PDCD1LG2: variants seen among roughly 807,000 people sequenced by gnomAD.
The protein encoded by PDCD1LG2 is B7 dendritic cell molecule.
A neutral mutation model predicts 28.2 loss-of-function variants in PDCD1LG2; 32 were observed. That is an observed-to-expected ratio of 1.13 (90% CI 0.86 to 1.52). The LOEUF is 1.52. Among genes scored for constraint, PDCD1LG2 ranks in the 40% most tolerant of loss-of-function variants. The pLI, the probability that PDCD1LG2 is intolerant of heterozygous loss-of-function variation, is 0.00. For synonymous variants in PDCD1LG2, 116 were observed against 120.2 expected, an observed-to-expected ratio of 0.97 and a Z score of 0.23; for missense variants, 385 against 323.8, an observed-to-expected ratio of 1.19 and a Z score of -1.45.
chr9:5,571,268 T>C lies in PDCD1LG2; in HGVS notation c.*1309T>C. The C allele has an allele frequency of 4.3e-6, 1 of 230,400 alleles. No homozygotes were observed. The highest frequency in any genetic ancestry group is 8.6e-6 in the Non-Finnish European group (1 of 116,276). 14.3% of individuals were successfully genotyped at this position (230,400 alleles called of 1,614,324 possible). A position where few individuals can be genotyped will look rare whatever the true frequency, so the allele number is the denominator to read the frequency against. On this transcript the variant is annotated 3_prime_UTR_variant, in exon 7 of 7. Transcript: ENST00000397747. ...GTTATTCTTCAACGTTCTTTATATA[T>C]TCTACTTTTGGGTAAGAGGTTTGCT...
At chr9:5,547,936 CAAA>C (rs1165268333) in intron 3 of PDCD1LG2, among the ~76,000 whole-genome samples, 10 of 60,866 alleles carry the variant, frequency 1.6e-4, no homozygotes, top group Admixed American at 3.7e-4. Context: ...AACTCTGTCT[CAAA>C]AAAAAAAAAA....
rs772342622 is a variant in PDCD1LG2 at position 5,558,491 on chromosome 9, C to T, written c.766+739C>T. On this transcript the variant is annotated intron_variant, in intron 5 of 6. Transcript: ENST00000397747. Reference sequence around the variant, plus strand: ...CAGGCCTAGCTGGTGCTTTCCTAAACGGCTCCCTTGTCTGCACTCAATGAA... The same window carrying T: ...CAGGCCTAGCTGGTGCTTTCCTAAATGGCTCCCTTGTCTGCACTCAATGAA... Among the ~76,000 whole-genome samples, 45 of 152,172 alleles carry T rather than the reference C, an allele frequency of 3.0e-4. 1 individual carries two copies. Among genetic ancestry groups the T allele is most frequent in the Non-Finnish European group, 1.0e-4 (7 of 68,044 alleles).
intron 3 of PDCD1LG2, 25 bp from the exon 4 acceptor site, chr9:5,549,310 T>C: frequency 1.3e-6 from 2 of 1,587,402 alleles, no homozygotes; most frequent in South Asian, 1.1e-5. Context: ...TAAAGTCTTA[T>C]TTCTTTTTCT....
chr9:5,537,489 A>G (rs1820602846), intron 3 of PDCD1LG2, among the ~76,000 whole-genome samples: 1 of 152,238 alleles, frequency 6.6e-6, no homozygotes, highest in African/African-American at 2.4e-5. Flanking sequence ...TAAATGTCCA[A>G]CAACGATAGA....
chr9:5,557,699 C>G lies in PDCD1LG2; in HGVS notation c.713C>G (p.Ala238Gly), dbSNP rs1018311850. The change falls in exon 5 of 7, where the codon GCC becomes GGC. Residue 238 changes from alanine (A) to glycine (G), a missense_variant. Ala to Gly is a moderately conservative substitution (Grantham distance 60). Coordinates refer to ENST00000397747, the MANE Select transcript of PDCD1LG2 (RefSeq NM_025239.4). ...TGCATCATTGCTTTCATTTTCATAG[C>G]CACAGTGATAGCCCTAAGAAAACAA... ...PFCIIAFIFI[A>G]TVIALRKQLC... 6.2e-7 allele frequency: 1 copy of G among 1,613,792 alleles called. No individual in the cohort carries two copies. Among genetic ancestry groups the G allele is most frequent in the Non-Finnish European group, 8.5e-7 (1 of 1,179,698 alleles).
At chr9:5,566,530 T>A (rs1251391284) in intron 6 of PDCD1LG2, among the ~76,000 whole-genome samples, 1 of 152,240 alleles carries the variant, frequency 6.6e-6, no homozygotes. Context: ...ATTTTCTTTA[T>A]CCATCTGGCA....
chr9:5,551,385 G>A (rs10975176), intron 4 of PDCD1LG2, among the ~76,000 whole-genome samples: 7,744 of 152,210 alleles, frequency 0.051, 632 homozygotes, highest in African/African-American at 0.17. Context: ...GGCAACCCCA[G>A]AGGGCAGAAG....
In PDCD1LG2 at chr9:5,557,770, AT is replaced by A; in HGVS notation, c.766+19del. On this transcript the variant is annotated intron_variant, in intron 5 of 6. Coordinates refer to ENST00000397747, the MANE Select transcript of PDCD1LG2 (RefSeq NM_025239.4). ...TTCAAAAGGTAAGTGAGTTTTATTC[AT>A]GGTAACCCAATGCACTGGGTGTCTG... 6.2e-7 allele frequency: 1 copy of A among 1,613,414 alleles called. No homozygotes were observed. Among genetic ancestry groups the A allele is most frequent in the African/African-American group, 1.3e-5 (1 of 75,008 alleles).
Position 5,557,693 on chromosome 9 carries a change from T to G in PDCD1LG2, c.707T>G (p.Phe236Cys), listed in dbSNP as rs971616004. ...CCCTTCTGCATCATTGCTTTCATTTTCATAGCCACAGTGATAGCCCTAAGA... is the reference window on the plus strand; with the variant it reads ...CCCTTCTGCATCATTGCTTTCATTTGCATAGCCACAGTGATAGCCCTAAGA... The part of the protein sequence containing the change: ...FIPFCIIAFI[F>C]IATVIALRKQ... Residue 236 changes from phenylalanine (F) to cysteine (C), a missense_variant, in exon 5 of 7, where the codon TTC (phenylalanine) becomes TGC (cysteine). Coordinates refer to ENST00000397747, the MANE Select transcript of PDCD1LG2 (RefSeq NM_025239.4). 2.5e-6 allele frequency: 4 copies of G among 1,613,872 alleles called. No individual in the cohort carries two copies. Among genetic ancestry groups the G allele is most frequent in the South Asian group, 1.1e-5 (1 of 91,082 alleles).
chr9:5,523,477 A>T (rs750301664), intron 2 of PDCD1LG2, among the ~76,000 whole-genome samples: 2 of 152,124 alleles, frequency 1.3e-5, no homozygotes, highest in Non-Finnish European at 2.9e-5. Context: ...CTGGTTCCAG[A>T]TCACTCTTCA....
intron 2 of PDCD1LG2, among the ~76,000 whole-genome samples, chr9:5,533,376 A>T (rs1292043110): frequency 6.6e-6 from 1 of 152,188 alleles, no homozygotes; most frequent in Non-Finnish European, 1.5e-5. Context: ...AACTTTTAAA[A>T]AATAAAGCCA....
At chr9:5,538,819 G>T (rs1217764579) in intron 3 of PDCD1LG2, among the ~76,000 whole-genome samples, 1 of 151,280 alleles carries the variant, frequency 6.6e-6, no homozygotes, top group African/African-American at 2.4e-5. Context: ...TCATTTTTTT[G>T]GGTATATGTG....
chr9:5,528,570 G>A (rs1206181528), intron 2 of PDCD1LG2, among the ~76,000 whole-genome samples: 1 of 151,826 alleles, frequency 6.6e-6, no homozygotes, highest in Non-Finnish European at 1.5e-5. Context: ...CTCCCAAAAT[G>A]CTGGGATTAC....
chr9:5,560,456 G>A (rs1380745158), intron 5 of PDCD1LG2, among the ~76,000 whole-genome samples: 1 of 152,100 alleles, frequency 6.6e-6, no homozygotes, highest in Non-Finnish European at 1.5e-5. Flanking sequence ...AACCTTGCTG[G>A]TTCCGATCCC....
chr9:5,517,304 G>A (rs2129698914), intron 1 of PDCD1LG2, among the ~76,000 whole-genome samples: 1 of 152,356 alleles, frequency 6.6e-6, no homozygotes, highest in East Asian at 1.9e-4. Flanking sequence ...TTAGGGATTG[G>A]ATCTGCGGAA....
chr9:5,516,218 A>AT, intron 1 of PDCD1LG2, among the ~76,000 whole-genome samples: 1 of 152,070 alleles, frequency 6.6e-6, no homozygotes, highest in Non-Finnish European at 1.5e-5. Context: ...CATCCAGCTA[A>AT]TTTTTTGTAT....
chr9:5,512,353 C>G (rs1486246549), intron 1 of PDCD1LG2, among the ~76,000 whole-genome samples: 3 of 152,216 alleles, frequency 2.0e-5, no homozygotes, highest in Admixed American at 2.0e-4. Flanking sequence ...CCAGTCACCT[C>G]TGATGCCTTC....
intron 2 of PDCD1LG2, among the ~76,000 whole-genome samples, chr9:5,525,113 C>T (rs1236359106): frequency 7.2e-5 from 11 of 152,088 alleles, no homozygotes; most frequent in African/African-American, 9.7e-5. Flanking sequence ...TATGGGAGGC[C>T]GAGGCGGGTG....
At chr9:5,559,974 T>C (rs1816526843) in intron 5 of PDCD1LG2, among the ~76,000 whole-genome samples, 2 of 152,238 alleles carry the variant, frequency 1.3e-5, no homozygotes, top group African/African-American at 4.8e-5. Context: ...TCTTAAAATA[T>C]TTTTTCTTGT....
Sources: gnomAD v4.1 joint callset for allele counts (sites outside exome capture counted in the v4.1 genomes callset) on GRCh38, gnomAD v4.1.1 for gene constraint, MANE v1.5 for transcripts, NCBI Gene and HGNC (gene_info 2026-07-23, HGNC 2026-07-21) for gene names.